The following ZNF609 variants were observed in gnomAD, a reference collection of about 807,000 sequenced individuals.
ZNF609 encodes the protein zinc finger protein 609.
A neutral mutation model predicts 109.5 loss-of-function variants in ZNF609; 11 were observed. The ratio of observed to expected loss-of-function variants is 0.10; its 90% confidence interval spans 0.06 to 0.17. ZNF609 has a LOEUF of 0.17. ZNF609 is among the 10% of genes least tolerant of loss of function. ZNF609 has a pLI of 1.00. For synonymous variants in ZNF609, 646 were observed against 662.0 expected (o/e 0.98, Z 0.37); for missense variants, 1,559 against 1,772.4 (o/e 0.88, Z 2.16).
intron 2 of ZNF609, among the ~76,000 whole-genome samples, chr15:64,525,346 A>G (rs1056478129): frequency 6.6e-6 from 1 of 152,194 alleles, no homozygotes; most frequent in Non-Finnish European, 1.5e-5. Context: ...TTCTTACCCC[A>G]CATTGAATTT....
intron 2 of ZNF609, 64 bp downstream of exon 2, chr15:64,500,230 C>T: frequency 1.3e-6 from 2 of 1,574,846 alleles, no homozygotes; most frequent in Non-Finnish European, 1.7e-6. Context: ...GACTAACTGC[C>T]AAATACTATG....
chr15:64,475,375 A>T (rs1893154830), intron 1 of ZNF609, among the ~76,000 whole-genome samples: 1 of 143,340 alleles, frequency 7.0e-6, no homozygotes. Flanking sequence ...CTGTTGTAGT[A>T]CTTTATCACA....
At chr15:64,645,980 C>T (rs1896328442) in intron 3 of ZNF609, among the ~76,000 whole-genome samples, 1 of 152,072 alleles carries the variant, frequency 6.6e-6, no homozygotes. Context: ...TTTGGTGGAT[C>T]CTCAAAAAGC....
intron 2 of ZNF609, among the ~76,000 whole-genome samples, chr15:64,611,575 T>A (rs569067846): frequency 6.6e-6 from 1 of 152,256 alleles, no homozygotes; most frequent in South Asian, 2.1e-4. Flanking sequence ...CAGAAAAGGA[T>A]TTAGGGTCTG....
At chr15:64,596,260 TCTC>T (rs1474082744) in intron 2 of ZNF609, among the ~76,000 whole-genome samples, 1 of 152,108 alleles carries the variant, frequency 6.6e-6, no homozygotes, top group Non-Finnish European at 1.5e-5. Context: ...TTCAAGCACT[TCTC>T]CTGACTCAGT....
At chr15:64,600,605 C>T (rs1740657903) in intron 2 of ZNF609, among the ~76,000 whole-genome samples, 1 of 132,112 alleles carries the variant, frequency 7.6e-6, no homozygotes, top group Admixed American at 8.8e-5. Flanking sequence ...CACTGTACCC[C>T]AGCTTGGGTA....
chr15:64,649,328 C>A, intron 3 of ZNF609, among the ~76,000 whole-genome samples: 1 of 152,058 alleles, frequency 6.6e-6, no homozygotes, highest in East Asian at 1.9e-4. Flanking sequence ...TTCCACCCCC[C>A]AACACACACA....
intron 2 of ZNF609, among the ~76,000 whole-genome samples, chr15:64,538,156 A>G (rs1894186775): frequency 6.6e-6 from 1 of 152,070 alleles, no homozygotes; most frequent in Admixed American, 6.6e-5. Flanking sequence ...TGTTCTAGTT[A>G]GGTTAATCTC....
chr15:64,503,580 C>T (rs969708413), intron 2 of ZNF609, among the ~76,000 whole-genome samples: 2 of 152,158 alleles, frequency 1.3e-5, no homozygotes, highest in Non-Finnish European at 2.9e-5. Flanking sequence ...TCAGGGCTTA[C>T]GACCAGGAGT....
At chr15:64,652,211 A>G (rs989760599) in intron 3 of ZNF609, among the ~76,000 whole-genome samples, 1 of 151,778 alleles carries the variant, frequency 6.6e-6, no homozygotes, top group African/African-American at 2.4e-5. Context: ...TTTGGTGGAG[A>G]TGGGATTTCA....
chr15:64,512,832 A>T (rs889745777), intron 2 of ZNF609, among the ~76,000 whole-genome samples: 20 of 151,432 alleles, frequency 1.3e-4, no homozygotes, highest in Admixed American at 1.1e-3. Context: ...ATACTTTTTT[A>T]AAAAAAACTT....
intron 2 of ZNF609, among the ~76,000 whole-genome samples, chr15:64,595,432 C>T (rs139660968): frequency 1.8e-3 from 274 of 151,372 alleles, no homozygotes; most frequent in Non-Finnish European, 3.7e-3. Flanking sequence ...GCTGACAATG[C>T]AGCTGTGCCA....
At chr15:64,524,156 TCTC>T (rs1472255915) in intron 2 of ZNF609, among the ~76,000 whole-genome samples, 3 of 152,136 alleles carry the variant, frequency 2.0e-5, no homozygotes, top group Non-Finnish European at 4.4e-5. Flanking sequence ...AATATTTTCA[TCTC>T]CTCAAAAAGA....
chr15:64,675,023 A>G lies in ZNF609; in HGVS notation c.2169A>G (p.Pro723=), dbSNP rs1896788373. ...EPFTVNPALT[P]AKDKKKKDKK... is the part of the protein sequence containing the mutation. ...TCACAGTCAACCCTGCCTTGACTCC[A>G]GCCAAGGACAAGAAAAAGAAAGACA... is the stretch of plus-strand genomic sequence containing the variant. Residue 723 remains proline (P), a synonymous_variant, in exon 5 of 10, where the codon CCA becomes CCG. Transcript: ENST00000326648. The G allele has an allele frequency of 2.5e-6, 4 of 1,614,090 alleles. No homozygotes were observed. The highest frequency in any genetic ancestry group is 2.2e-5 in the East Asian group (1 of 44,884).
intron 1 of ZNF609, among the ~76,000 whole-genome samples, chr15:64,471,626 C>T (rs1430680873): frequency 6.6e-6 from 1 of 152,076 alleles, no homozygotes; most frequent in African/African-American, 2.4e-5. Flanking sequence ...CTTTGTTGCC[C>T]AGGCTGGAGT....
At chr15:64,632,004 C>T (rs963130578) in intron 3 of ZNF609, 1 of 152,626 alleles carries the variant, frequency 6.6e-6, no homozygotes, top group African/African-American at 2.4e-5. Context: ...TTTTGTATGG[C>T]TTATGAGCTA....
chr15:64,525,398 G>C (rs1189296690), intron 2 of ZNF609, among the ~76,000 whole-genome samples: 1 of 152,114 alleles, frequency 6.6e-6, no homozygotes, highest in African/African-American at 2.4e-5. Flanking sequence ...ATAAATGTAT[G>C]GGTTTTTATC....
At chr15:64,647,179 C>T (rs1896348920) in intron 3 of ZNF609, among the ~76,000 whole-genome samples, 1 of 150,390 alleles carries the variant, frequency 6.6e-6, no homozygotes, top group African/African-American at 2.4e-5. Context: ...TGTGGATGAA[C>T]CTTGAAAATA....
chr15:64,478,619 C>T (rs540690525), intron 1 of ZNF609, among the ~76,000 whole-genome samples: 1 of 152,178 alleles, frequency 6.6e-6, no homozygotes, highest in South Asian at 2.1e-4. Flanking sequence ...CTCAAGTGAT[C>T]CCCCACTTCC....
Sources: gnomAD v4.1 joint callset for allele counts (sites outside exome capture counted in the v4.1 genomes callset) on GRCh38, gnomAD v4.1.1 for gene constraint, MANE v1.5 for transcripts, NCBI Gene and HGNC (gene_info 2026-07-23, HGNC 2026-07-21) for gene names.